The following GRIP1 variants were observed in gnomAD, a reference collection of about 807,000 sequenced individuals.
GRIP1 encodes the protein glutamate receptor-interacting protein 1.
A neutral mutation model predicts 129.9 loss-of-function variants in GRIP1; 45 were observed. The ratio of observed to expected loss-of-function variants is 0.35; its 90% CI spans 0.27 to 0.44. The LOEUF (loss-of-function observed/expected upper bound fraction) is 0.44. Ranked by LOEUF, GRIP1 falls within the 20% of genes least tolerant of loss-of-function variation. GRIP1 has a pLI of 1.00. For missense variants in GRIP1, 1,196 were observed against 1,396.8 expected, an observed-to-expected ratio of 0.86 and a Z score of 2.29; for synonymous variants, 530 against 520.8, an observed-to-expected ratio of 1.02 and a Z score of -0.24.
chr12:66,996,976 G>T (rs1379627464), intron 1 of GRIP1, among the ~76,000 whole-genome samples: 1 of 152,144 alleles, frequency 6.6e-6, no homozygotes, highest in African/African-American at 2.4e-5. Flanking sequence ...TCCCCACACA[G>T]CATCGAGCTG....
At chr12:66,796,143 TG>T in intron 1 of GRIP1, among the ~76,000 whole-genome samples, 1 of 152,056 alleles carries the variant, frequency 6.6e-6, no homozygotes, top group Non-Finnish European at 1.5e-5. Context: ...GACTCCTCTA[TG>T]TGAATAGCAA....
chr12:66,932,334 T>G (rs1347757295), intron 1 of GRIP1, among the ~76,000 whole-genome samples: 1 of 152,204 alleles, frequency 6.6e-6, no homozygotes, highest in Non-Finnish European at 1.5e-5. Flanking sequence ...AATACCTAAC[T>G]GATTTTACTC....
chr12:66,456,089 GA>G, intron 10 of GRIP1, 97 bp downstream of exon 10: 1 of 715,774 alleles, frequency 1.4e-6, no homozygotes, highest in Non-Finnish European at 2.1e-6. Context: ...ATAAGAAACA[GA>G]AAAAACAACA....
intron 13 of GRIP1, among the ~76,000 whole-genome samples, chr12:66,435,477 T>G (rs1284590343): frequency 6.6e-6 from 1 of 152,232 alleles, no homozygotes; most frequent in Non-Finnish European, 1.5e-5. Context: ...AGGCTGTGAT[T>G]ACAGGCGGAG....
intron 1 of GRIP1, among the ~76,000 whole-genome samples, chr12:66,761,604 A>T (rs1443181211): frequency 6.6e-6 from 1 of 152,054 alleles, no homozygotes; most frequent in Non-Finnish European, 1.5e-5. Context: ...GCCATGCATT[A>T]TCTCCCTACT....
chr12:66,387,072 G>T (rs2056389069), intron 19 of GRIP1, among the ~76,000 whole-genome samples: 1 of 152,182 alleles, frequency 6.6e-6, no homozygotes, highest in South Asian at 2.1e-4. Flanking sequence ...GAAGGGGGTG[G>T]TGGTGGTAAG....
chr12:66,706,900 TG>T (rs2035548071), intron 1 of GRIP1, among the ~76,000 whole-genome samples: 1 of 151,150 alleles, frequency 6.6e-6, no homozygotes. Context: ...ACTTGGAGGA[TG>T]GGTCAATAGG....
chr12:66,408,019 G>A (rs1387026169), intron 15 of GRIP1, among the ~76,000 whole-genome samples: 2 of 152,172 alleles, frequency 1.3e-5, no homozygotes, highest in East Asian at 1.9e-4. Flanking sequence ...GCCATAGTAC[G>A]ACAGGGCACC....
chr12:66,621,116 C>G (rs2065249437), intron 1 of GRIP1, among the ~76,000 whole-genome samples: 1 of 152,100 alleles, frequency 6.6e-6, no homozygotes, highest in African/African-American at 2.4e-5. Flanking sequence ...AGACATAACA[C>G]AAATTGTTCA....
At chr12:66,651,187 T>C (rs1282706036) in intron 1 of GRIP1, among the ~76,000 whole-genome samples, 1 of 152,194 alleles carries the variant, frequency 6.6e-6, no homozygotes, top group Non-Finnish European at 1.5e-5. Flanking sequence ...ATAGCAACTC[T>C]GGAATATTAA....
intron 7 of GRIP1, among the ~76,000 whole-genome samples, chr12:66,486,165 G>A (rs976132143): frequency 1.3e-5 from 2 of 151,998 alleles, no homozygotes; most frequent in African/African-American, 4.8e-5. Context: ...CTAAATAAGT[G>A]AGAGAGTTTA....
At chr12:66,928,908 C>T (rs1261149483) in intron 1 of GRIP1, among the ~76,000 whole-genome samples, 1 of 152,152 alleles carries the variant, frequency 6.6e-6, no homozygotes, top group Non-Finnish European at 1.5e-5. Flanking sequence ...CTGTGTATCC[C>T]CAGGGAAAGA....
intron 1 of GRIP1, among the ~76,000 whole-genome samples, chr12:66,686,386 A>G (rs1813474677): frequency 6.6e-6 from 1 of 152,246 alleles, no homozygotes; most frequent in African/African-American, 2.4e-5. Context: ...TACCAAATAC[A>G]CATTCATCCT....
intron 1 of GRIP1, among the ~76,000 whole-genome samples, chr12:66,753,068 CT>C (rs2037177002): frequency 6.6e-6 from 1 of 152,136 alleles, no homozygotes; most frequent in Admixed American, 6.6e-5. Context: ...TCCCCAGCCC[CT>C]ACCCACCAAT....
At chr12:66,666,473 TCTTTA>T (rs1487420133) in intron 1 of GRIP1, among the ~76,000 whole-genome samples, 5 of 151,768 alleles carry the variant, frequency 3.3e-5, no homozygotes, top group Non-Finnish European at 5.9e-5. Flanking sequence ...AAAAATTATA[TCTTTA>T]CTTTATCATT....
intron 16 of GRIP1, among the ~76,000 whole-genome samples, chr12:66,395,323 T>C (rs1484516246): frequency 6.6e-6 from 1 of 152,234 alleles, no homozygotes; most frequent in African/African-American, 2.4e-5. Context: ...AACTGTTTCA[T>C]TTCTGCAACT....
intron 1 of GRIP1, among the ~76,000 whole-genome samples, chr12:67,036,259 G>A (rs1182556325): frequency 2.0e-5 from 3 of 151,800 alleles, no homozygotes; most frequent in African/African-American, 7.2e-5. Flanking sequence ...TCTGAGAATA[G>A]ATCACAGTTC....
intron 1 of GRIP1, among the ~76,000 whole-genome samples, chr12:66,850,355 T>C (rs184289627): frequency 2.6e-5 from 4 of 152,296 alleles, no homozygotes; most frequent in African/African-American, 9.6e-5. Flanking sequence ...ATTTTCAAGA[T>C]GTTGGAATAC....
chr12:66,665,911 T>A (rs2033768750), intron 1 of GRIP1, among the ~76,000 whole-genome samples: 1 of 152,136 alleles, frequency 6.6e-6, no homozygotes, highest in Non-Finnish European at 1.5e-5. Flanking sequence ...TCCAATTGCT[T>A]TAAATCTGGG....
Sources: allele counts gnomAD v4.1 joint callset (sites outside exome capture counted in the v4.1 genomes callset), GRCh38; gene constraint gnomAD v4.1.1; transcripts MANE v1.5; gene names NCBI Gene and HGNC (gene_info 2026-07-23, HGNC 2026-07-21).